MME: variants seen among roughly 807,000 people sequenced by gnomAD.
The protein encoded by MME is membrane metalloendopeptidase, also known as neprilysin.
MME carries 98 observed loss-of-function variants against 113.2 expected under a neutral mutation model. That is an observed-to-expected ratio of 0.87 (90% CI 0.74 to 1.02). MME has a LOEUF of 1.02. Ranked by LOEUF, MME falls within the 50% of genes least tolerant of loss-of-function variation. MME has a pLI of 0.00. For synonymous variants in MME, 292 were observed against 300.6 expected (o/e 0.97, Z 0.30); for missense variants, 836 against 896.0 (o/e 0.93, Z 0.86).
At chr3:155,124,499 G>T (rs1306166324) in intron 8 of MME, among the ~76,000 whole-genome samples, 2 of 151,988 alleles carry the variant, frequency 1.3e-5, no homozygotes, top group Non-Finnish European at 2.9e-5. Context: ...GACGCTCTGC[G>T]TTTTAGAGTT....
At position 155,138,116 on chromosome 3, in the gene MME, T is replaced by C; in HGVS notation, c.735T>C (p.Tyr245=). The change falls in exon 9 of 23, where the codon TAT becomes TAC. Residue 245 remains tyrosine (Y), a synonymous_variant. Coordinates refer to ENST00000360490, the MANE Select transcript of MME (RefSeq NM_007289.4). ...TTTTCTTGCAGGCTTGTACAGCATA[T>C]GTGGATTTTATGATTTCTGTGGCCA... ...TGIYKEACTA[Y]VDFMISVARL... 1 of 1,613,782 alleles carries C rather than the reference T, an allele frequency of 6.2e-7. No homozygotes were observed. Among genetic ancestry groups the C allele is most frequent in the Non-Finnish European group, 8.5e-7 (1 of 1,179,780 alleles).
chr3:155,113,638 G>T (rs888017278), intron 3 of MME, among the ~76,000 whole-genome samples: 2 of 152,086 alleles, frequency 1.3e-5, no homozygotes, highest in African/African-American at 4.8e-5. Flanking sequence ...CGGGAAGTTT[G>T]GTTTGTGGAA....
In MME at chr3:155,180,706, A is replaced by T; in HGVS notation, c.*247A>T. ...TGTACATAATGCTTAATTTCTAAAG[A>T]TAATATTACTGTTTATTTCTGTTTC... On this transcript the variant is annotated 3_prime_UTR_variant, in exon 23 of 23. Coordinates refer to ENST00000360490, the MANE Select transcript of MME (RefSeq NM_007289.4). The T allele has an allele frequency of 2.1e-6, 1 of 468,480 alleles. No individual in the cohort carries two copies. Among genetic ancestry groups the T allele is most frequent in the East Asian group, 4.1e-5 (1 of 24,128 alleles). The allele number at this position is 468,480 out of a possible 1,614,324, so 29.0% of individuals were successfully genotyped here.
chr3:155,178,422 T>C (rs904661552), intron 22 of MME, among the ~76,000 whole-genome samples: 1 of 152,186 alleles, frequency 6.6e-6, no homozygotes, highest in Non-Finnish European at 1.5e-5. Flanking sequence ...GCTTTCTTTC[T>C]CTTCCAGTTG....
At position 155,070,076 on chromosome 3, in the gene MME, G is replaced by C. The variant is rs540421423; in HGVS notation, c.-10-14082G>C. 1.2e-4 allele frequency among the ~76,000 whole-genome samples: 19 copies of C among 152,284 alleles called. No individual in the cohort carries two copies. In the East Asian group the frequency reaches 3.7e-3, roughly 29 times the overall value. ...CAACTCTCCTATAAGAATATAGTTA[G>C]TGTGATTGAGACAAAAGCAAGACAA... On this transcript the variant is annotated intron_variant, in intron 1 of 22. Coordinates refer to the MME transcript ENST00000492661.
chr3:155,082,661 T>G (rs1006265907), intron 1 of MME, among the ~76,000 whole-genome samples: 27 of 152,318 alleles, frequency 1.8e-4, no homozygotes, highest in African/African-American at 6.5e-4. Context: ...TAATAAAATA[T>G]TTTTATTTGA....
At chr3:155,141,929 A>C (rs1342206081) in intron 10 of MME, 62 bp from the exon 11 acceptor site, 1 of 1,586,750 alleles carries the variant, frequency 6.3e-7, no homozygotes, top group African/African-American at 1.3e-5. Flanking sequence ...ACTATAACTG[A>C]ATCTTGGACC....
chr3:155,180,403 T>A lies in MME; in HGVS notation c.2197T>A (p.Phe733Ile). The A allele has an allele frequency of 6.2e-7, 1 of 1,613,700 alleles. No homozygotes were observed. Among genetic ancestry groups the A allele is most frequent in the South Asian group, 1.1e-5 (1 of 91,074 alleles). Residue 733 changes from phenylalanine (F) to isoleucine (I), a missense_variant, in exon 23 of 23, where the codon TTT becomes ATT. Coordinates refer to ENST00000360490, the MANE Select transcript of MME (RefSeq NM_007289.4). ...LQNSAEFSEAFHCRKNSYMNP... is the reference protein window; with the variant it reads ...LQNSAEFSEAIHCRKNSYMNP... The stretch of plus-strand genomic sequence containing the variant: ...GAACTCTGCAGAGTTTTCAGAAGCC[T>A]TTCACTGCCGCAAGAATTCATACAT...
In MME at chr3:155,144,477, C is replaced by G. The variant is rs754438384; in HGVS notation, c.1416+20C>G. On this transcript the variant is annotated intron_variant, in intron 14 of 22. Transcript: ENST00000360490. ...GAAAAGGTAAAGAGCAGACAGCTAA[C>G]TAGCAAAGAAAAATCTTTGCTAGTA... The G allele has an allele frequency of 6.7e-7, 1 of 1,502,026 alleles. No individual in the cohort carries two copies. Among genetic ancestry groups the G allele is most frequent in the Non-Finnish European group, 9.3e-7 (1 of 1,079,588 alleles). The allele number at this position is 1,502,026 out of a possible 1,614,324, so 93.0% of individuals were successfully genotyped here. A position where few individuals can be genotyped will look rare whatever the true frequency, so the allele number is the denominator to read the frequency against.
At chr3:155,087,986 T>TG (rs1715910864) in intron 3 of MME, among the ~76,000 whole-genome samples, 1 of 152,236 alleles carries the variant, frequency 6.6e-6, no homozygotes, top group South Asian at 2.1e-4. Context: ...TAAAACACCT[T>TG]GCAGGATGTA....
chr3:155,169,305 TG>T (rs1219006562), intron 20 of MME, among the ~76,000 whole-genome samples: 1 of 152,138 alleles, frequency 6.6e-6, no homozygotes, highest in African/African-American at 2.4e-5. Context: ...TTCCAGCACA[TG>T]GCCTTGTAGT....
At chr3:155,063,496 T>TA (rs1202737774) in intron 1 of MME, among the ~76,000 whole-genome samples, 1 of 109,784 alleles carries the variant, frequency 9.1e-6, no homozygotes, top group Non-Finnish European at 1.7e-5. Context: ...TATATATATA[T>TA]TTAAATATAT....
intron 1 of MME, among the ~76,000 whole-genome samples, chr3:155,062,736 T>C (rs1013275567): frequency 2.0e-5 from 3 of 151,992 alleles, no homozygotes; most frequent in Non-Finnish European, 2.9e-5. Flanking sequence ...CTTGAAAATA[T>C]TGACACACAA....
At chr3:155,054,767 A>G (rs930447734) in intron 1 of MME, among the ~76,000 whole-genome samples, 4 of 152,246 alleles carry the variant, frequency 2.6e-5, no homozygotes, top group Non-Finnish European at 4.4e-5. Context: ...CAGTGAGCCA[A>G]GATCACACCA....
At chr3:155,060,534 G>A (rs1714096427) in intron 1 of MME, among the ~76,000 whole-genome samples, 1 of 152,104 alleles carries the variant, frequency 6.6e-6, no homozygotes, top group East Asian at 1.9e-4. Flanking sequence ...TTGTGATGGA[G>A]CAGAAGTTCT....
intron 1 of MME, among the ~76,000 whole-genome samples, chr3:155,045,143 T>G (rs1261688811): frequency 6.6e-6 from 1 of 151,822 alleles, no homozygotes; most frequent in Non-Finnish European, 1.5e-5. Context: ...TGATTTCTTC[T>G]TTATAAAAAG....
At position 155,140,194 on chromosome 3, in the gene MME, A is replaced by G. The variant is rs1720950896; in HGVS notation, c.859A>G (p.Thr287Ala). 1 of 1,607,562 alleles carries G rather than the reference A, an allele frequency of 6.2e-7. No individual in the cohort carries two copies. The highest frequency in any genetic ancestry group is 8.5e-7 in the Non-Finnish European group (1 of 1,175,344). ...TGATTAAAAATTAAATCCATAGGCT[A>G]CGGCTAAACCTGAAGATCGAAATGA... ...MELEKEIANA[T>A]AKPEDRNDPM... Residue 287 changes from threonine to alanine, a missense_variant, in exon 10 of 23, where the codon ACG (threonine) becomes GCG (alanine). Physicochemically the swap from Thr to Ala is moderately conservative, Grantham distance 58 (BLOSUM62 0). Transcript: ENST00000360490.
At chr3:155,134,070 T>C (rs1425249559) in intron 8 of MME, among the ~76,000 whole-genome samples, 1 of 152,028 alleles carries the variant, frequency 6.6e-6, no homozygotes, top group Admixed American at 6.6e-5. Flanking sequence ...ATTGAGTTGC[T>C]GAGAATATAC....
At chr3:155,098,241 T>C (rs1259765409) in intron 3 of MME, among the ~76,000 whole-genome samples, 2 of 151,748 alleles carry the variant, frequency 1.3e-5, no homozygotes, top group Non-Finnish European at 2.9e-5. Flanking sequence ...ACAGAAGATA[T>C]AAAAGAAAAG....
Sources: allele counts gnomAD v4.1 joint callset (sites outside exome capture counted in the v4.1 genomes callset), GRCh38; gene constraint gnomAD v4.1.1; transcripts MANE v1.5; gene names NCBI Gene and HGNC (gene_info 2026-07-23, HGNC 2026-07-21).